NKTR: variants seen among roughly 807,000 people sequenced by gnomAD.
The protein encoded by NKTR is NK-tumor recognition protein.
Under a neutral mutation model 156.3 loss-of-function variants are expected in NKTR, and 67 were observed. The observed-to-expected ratio is 0.43, with a 90% CI of 0.35 to 0.53. The LOEUF is 0.53. Among genes scored for constraint, NKTR ranks in the 20% least tolerant of loss-of-function variants. NKTR has a pLI of 0.01. For synonymous variants in NKTR, 640 were observed against 596.6 expected, an observed-to-expected ratio of 1.07 and a Z score of -1.06; for missense variants, 1,604 against 1,730.9, an observed-to-expected ratio of 0.93 and a Z score of 1.30.
chr3:42,625,453 T>A (rs1708289097), intron 6 of NKTR, among the ~76,000 whole-genome samples: 1 of 152,096 alleles, frequency 6.6e-6, no homozygotes, highest in Non-Finnish European at 1.5e-5. Flanking sequence ...AGTTTTAGAA[T>A]ATGTTTTATG....
In NKTR at chr3:42,642,572, C is replaced by G. The variant is rs1709980674; in HGVS notation, c.4118C>G (p.Ser1373Cys). ...GGCCGAACCAGAAGCCGGAGCAGTT[C>G]CTACCGGAGTTACAAAAGTCACAGG... ...SRGRTRSRSS[S>C]YRSYKSHRTS... Residue 1373 changes from serine to cysteine, a missense_variant, in exon 14 of 17, where the codon TCC (serine) becomes TGC (cysteine). Ser to Cys is a moderately radical substitution (Grantham distance 112, BLOSUM62 -1). Around this residue, in one of 6 missense-constraint regions of NKTR, gnomAD observed 193 missense variants for 220.2 expected, o/e 0.88. Coordinates refer to ENST00000232978, the MANE Select transcript of NKTR (RefSeq NM_005385.4). 1 of 1,614,036 alleles carries G rather than the reference C, an allele frequency of 6.2e-7. No homozygotes were observed. Among genetic ancestry groups the G allele is most frequent in the Non-Finnish European group, 8.5e-7 (1 of 1,179,896 alleles).
intron 2 of NKTR, chr3:42,611,118 C>T (rs1207409827): frequency 6.6e-6 from 1 of 152,108 alleles, no homozygotes; most frequent in Non-Finnish European, 1.5e-5. Context: ...GCAGCTCTAA[C>T]ATCTGACCTC....
intron 1 of NKTR, 95 bp from the exon 2 acceptor site, chr3:42,600,889 C>T (rs983481654): frequency 6.8e-6 from 5 of 739,014 alleles, no homozygotes; most frequent in Non-Finnish European, 9.9e-6. Context: ...GCGTGAGGCA[C>T]CGTGGCGCGG....
At position 42,636,988 on chromosome 3, in the gene NKTR, A is replaced by G. The variant is rs758149437; in HGVS notation, c.1284A>G (p.Lys428=). Reference sequence around the variant, plus strand: ...CAGCAAGACACTCTGGCCACCATAAAAAACGCAGAAAAGAAAAAAAGGTTA... The same window carrying G: ...CAGCAAGACACTCTGGCCACCATAAGAAACGCAGAAAAGAAAAAAAGGTTA... ...LSTARHSGHH[K]KRRKEKKVKH... Residue 428 remains lysine (K), a synonymous_variant, in exon 13 of 17, where the codon AAA becomes AAG. Coordinates refer to ENST00000232978, the MANE Select transcript of NKTR (RefSeq NM_005385.4). 1 of 1,613,508 alleles carries G rather than the reference A, an allele frequency of 6.2e-7. No individual in the cohort carries two copies. Among genetic ancestry groups the G allele is most frequent in the Non-Finnish European group, 8.5e-7 (1 of 1,179,868 alleles).
At chr3:42,632,482 T>C (rs1453363554) in intron 8 of NKTR, 119 bp from the exon 9 acceptor site, 1 of 635,588 alleles carries the variant, frequency 1.6e-6, no homozygotes, top group Non-Finnish European at 2.7e-6. Flanking sequence ...ACTGTCTACA[T>C]TTCATTTTTT....
chr3:42,629,900 C>T (rs748968730), intron 6 of NKTR: 31 of 985,390 alleles, frequency 3.1e-5, no homozygotes, highest in Non-Finnish European at 3.5e-5. Context: ...GCAATGTTAT[C>T]CATCATTACT....
chr3:42,605,494 T>C (rs571718815), intron 2 of NKTR, among the ~76,000 whole-genome samples: 1 of 152,240 alleles, frequency 6.6e-6, no homozygotes. Flanking sequence ...TGAGTACTAC[T>C]TGTGTCCTTG....
At chr3:42,619,355 T>C (rs776086983) in intron 4 of NKTR, 21 of 1,202,406 alleles carry the variant, frequency 1.7e-5, no homozygotes, top group Non-Finnish European at 2.3e-5. Flanking sequence ...AATATTATAG[T>C]TACTTAGTGA....
rs912794189 is a variant in NKTR at position 42,628,146 on chromosome 3, G to A, written c.375-2400G>A. On this transcript the variant is annotated intron_variant, in intron 6 of 16. Coordinates refer to ENST00000232978, the MANE Select transcript of NKTR (RefSeq NM_005385.4). ...TAAATACTTTTAGTATTCTTAATAT[G>A]TAATCTAATCCAATTAAAGTGCAGA... is the stretch of plus-strand genomic sequence containing the variant. 1.5e-5 allele frequency: 15 copies of A among 984,504 alleles called. No individual in the cohort carries two copies. The African/African-American group carries it at 2.6e-4, about 17-fold the overall frequency. 61.0% of individuals were successfully genotyped at this position (984,504 alleles called of 1,614,324 possible).
At chr3:42,615,702 A>G (rs1344570728) in intron 2 of NKTR, among the ~76,000 whole-genome samples, 1 of 152,206 alleles carries the variant, frequency 6.6e-6, no homozygotes, top group African/African-American at 2.4e-5. Flanking sequence ...AGGGATTGCA[A>G]AGATCTAAGT....
chr3:42,620,930 C>T (rs1411067226), intron 5 of NKTR: 1 of 896,596 alleles, frequency 1.1e-6, no homozygotes, highest in East Asian at 1.2e-4. Context: ...TAGATATGTT[C>T]CTGTAACTTA....
At chr3:42,620,368 C>T in intron 5 of NKTR, 1 of 1,070,436 alleles carries the variant, frequency 9.3e-7, no homozygotes, top group East Asian at 6.2e-5. Context: ...TGTGTTTATT[C>T]TCATAATAGT....
chr3:42,603,090 G>C (rs1237281161), intron 2 of NKTR: 1 of 151,250 alleles, frequency 6.6e-6, no homozygotes, highest in East Asian at 1.9e-4. Flanking sequence ...GTATGACCAA[G>C]CATGGTGGCT....
intron 6 of NKTR, among the ~76,000 whole-genome samples, chr3:42,624,875 A>G (rs796731769): frequency 5.3e-5 from 8 of 152,314 alleles, no homozygotes; most frequent in African/African-American, 1.9e-4. Context: ...ATTAATCAAA[A>G]AGACAAAGAT....
intron 6 of NKTR, chr3:42,628,612 A>C: frequency 5.1e-6 from 5 of 985,402 alleles, no homozygotes; most frequent in Non-Finnish European, 6.0e-6. Flanking sequence ...GGATCAAAGA[A>C]GGAGAAGGAA....
rs1710406858 is a variant in NKTR, at chr3:42,647,287, TGTGTGTGTGTGTGTGG to T, written c.*1313_*1328del. On this transcript the variant is annotated 3_prime_UTR_variant, in exon 17 of 17. Coordinates refer to ENST00000232978, the MANE Select transcript of NKTR (RefSeq NM_005385.4). ...AAACTAGTGTGTGTGTGTGTGTGTG[TGTGTGTGTGTGTGTGG>T]TTTTTTTTTTTAATCTTTACTTTGA... The T allele has an allele frequency of 2.6e-5, 3 of 113,310 alleles. No homozygotes were observed. Among genetic ancestry groups the T allele is most frequent in the Admixed American group, 7.7e-5 (1 of 13,002 alleles). The allele number at this position is 113,310 out of a possible 1,614,324, so 7.0% of individuals were successfully genotyped here.
At chr3:42,644,149 C>A in intron 16 of NKTR, 146 bp downstream of exon 16, 1 of 542,752 alleles carries the variant, frequency 1.8e-6, no homozygotes, top group Non-Finnish European at 3.3e-6. Flanking sequence ...CTGAACAACC[C>A]ACAAGCAGCC....
At chr3:42,640,502 T>C (rs1420966515) in intron 13 of NKTR, among the ~76,000 whole-genome samples, 1 of 152,234 alleles carries the variant, frequency 6.6e-6, no homozygotes, top group African/African-American at 2.4e-5. Flanking sequence ...TATTTTATTG[T>C]GCTTGATATT....
chr3:42,634,051 G>T (rs967819892), intron 10 of NKTR, among the ~76,000 whole-genome samples: 1 of 152,180 alleles, frequency 6.6e-6, no homozygotes, highest in South Asian at 2.1e-4. Context: ...TATTAGAGGG[G>T]TGAGGTTTTA....
Sources: gnomAD v4.1 joint callset for allele counts (sites outside exome capture counted in the v4.1 genomes callset) on GRCh38, gnomAD v4.1.1 for gene constraint, gnomAD v4.1.1 regional missense constraint, MANE v1.5 for transcripts, NCBI Gene and HGNC (gene_info 2026-07-23, HGNC 2026-07-21) for gene names.